TRPM3: variants seen among roughly 807,000 people sequenced by gnomAD.
TRPM3 encodes transient receptor potential cation channel subfamily M member 3.
A neutral mutation model predicts 181.2 loss-of-function variants in TRPM3; 77 were observed. That is an observed-to-expected ratio of 0.42 (90% CI 0.35 to 0.51). The LOEUF (loss-of-function observed/expected upper bound fraction) is 0.51, where lower values mean the gene tolerates loss of function less well. Ranked by LOEUF, TRPM3 falls within the 20% of genes least tolerant of loss-of-function variation. The pLI, the probability that TRPM3 is intolerant of heterozygous loss-of-function variation, is 0.01. For missense variants in TRPM3, 1,759 were observed against 2,196.7 expected (o/e 0.80, Z 3.98); for synonymous variants, 745 against 796.4 (o/e 0.94, Z 1.09).
chr9:70,629,344 T>C (rs570828987), intron 12 of TRPM3, among the ~76,000 whole-genome samples: 6 of 152,112 alleles, frequency 3.9e-5, no homozygotes, highest in African/African-American at 9.6e-5. Flanking sequence ...TGTTTTGTTT[T>C]TTTCTTTTGA....
rs1554854926 is a variant in TRPM3, at chr9:71,252,847, C to CTCTTTTTTTTTT, written c.183+193805_183+193806insAAAAAAAAAAGA. On this transcript the variant is annotated intron_variant, in intron 1 of 24. Transcript: ENST00000357533. Reference sequence around the variant, plus strand: ...ACACCTCGCCTGGCTAATTTTGTCTCTTTTTTTTTTTTTTTTTTTTTTAGA... The same window carrying CTCTTTTTTTTTT: ...ACACCTCGCCTGGCTAATTTTGTCTCTCTTTTTTTTTTTTTTTTTTTTTTTTTTTTTTTTAGA... 3.0e-3 allele frequency among the ~76,000 whole-genome samples: 251 copies of CTCTTTTTTTTTT among 84,756 alleles called. 16 individuals are homozygous for CTCTTTTTTTTTT. Among genetic ancestry groups the CTCTTTTTTTTTT allele is most frequent in the African/African-American group, 0.013 (239 of 19,114 alleles). The allele number at this position is 84,756 out of a possible 152,430, so 55.6% of individuals were successfully genotyped here. A position where few individuals can be genotyped will look rare whatever the true frequency, so the allele number is the denominator to read the frequency against.
chr9:70,929,017 T>C (rs1348198086), intron 1 of TRPM3, among the ~76,000 whole-genome samples: 1 of 152,168 alleles, frequency 6.6e-6, no homozygotes, highest in Non-Finnish European at 1.5e-5. Context: ...CTCCATGGCT[T>C]TCTCCATTAT....
At chr9:70,872,012 A>G (rs1205026361) in intron 1 of TRPM3, among the ~76,000 whole-genome samples, 1 of 152,050 alleles carries the variant, frequency 6.6e-6, no homozygotes, top group Non-Finnish European at 1.5e-5. Flanking sequence ...TCATTATTAT[A>G]AAGATGTCCA....
intron 1 of TRPM3, among the ~76,000 whole-genome samples, chr9:71,395,352 T>C (rs1262323900): frequency 1.3e-5 from 2 of 152,228 alleles, no homozygotes; most frequent in African/African-American, 4.8e-5. Context: ...TGTGGACTCC[T>C]ATATCACCTA....
intron 1 of TRPM3, among the ~76,000 whole-genome samples, chr9:71,300,866 A>G (rs1004839091): frequency 2.0e-5 from 3 of 152,142 alleles, no homozygotes; most frequent in Non-Finnish European, 2.9e-5. Context: ...AGGGATACGC[A>G]CTACTACTGA....
intron 8 of TRPM3, 130 bp from the exon 9 acceptor site, chr9:70,681,708 C>T: frequency 1.3e-6 from 1 of 770,426 alleles, no homozygotes; most frequent in East Asian, 2.5e-5. Context: ...AGGGTAAGCA[C>T]ACATAACAAG....
intron 1 of TRPM3, among the ~76,000 whole-genome samples, chr9:71,369,744 A>T (rs1226503769): frequency 6.6e-6 from 1 of 152,206 alleles, no homozygotes; most frequent in African/African-American, 2.4e-5. Context: ...TGTAAATATC[A>T]TCACTTATAA....
At chr9:71,237,044 C>CAAAA (rs33929941) in intron 1 of TRPM3, among the ~76,000 whole-genome samples, 26 of 92,794 alleles carry the variant, frequency 2.8e-4, no homozygotes, top group African/African-American at 4.4e-4. Context: ...AAGACTCCAT[C>CAAAA]AAAAAAAAAA....
rs1337392007 is a variant in TRPM3 at position 70,784,205 on chromosome 9, A to G, written c.1048T>C (p.Tyr350His). The change falls in exon 7 of 26, where the codon TAC becomes CAC. Residue 350 changes from tyrosine (Y) to histidine (H), a missense_variant. Physicochemically the swap from Tyr to His is moderately conservative, Grantham distance 83. Around this residue, in one of 8 missense-constraint regions of TRPM3, gnomAD observed 737 missense variants for 957.4 expected, o/e 0.77. Transcript: ENST00000677713. Reference sequence around the variant, plus strand: ...GGCACGGGAGGGGTGTCTCGAAGGTACTCCAAAACAATCGAGATCACATTG... The same window carrying G: ...GGCACGGGAGGGGTGTCTCGAAGGTGCTCCAAAACAATCGAGATCACATTG... ...GPNVISIVLEYLRDTPPVPVV... is the reference protein window; with the variant it reads ...GPNVISIVLEHLRDTPPVPVV... The G allele has an allele frequency of 6.2e-7, 1 of 1,613,676 alleles. No individual in the cohort carries two copies. The highest frequency in any genetic ancestry group is 1.7e-5 in the Admixed American group (1 of 59,962).
rs533177716 is a variant in TRPM3, at chr9:71,001,100, G to C, written c.177+120078C>G. ...AGATTGGTGTAGCACTTGTTCAAGTGGTAGTTCATGGGTGGGTGATTAAGC... is the reference window on the plus strand; with the variant it reads ...AGATTGGTGTAGCACTTGTTCAAGTCGTAGTTCATGGGTGGGTGATTAAGC... On this transcript the variant is annotated intron_variant, in intron 1 of 25. Transcript: ENST00000677713. Among the ~76,000 whole-genome samples, 4 of 152,320 alleles carry C rather than the reference G, an allele frequency of 2.6e-5. No homozygotes were observed. In the South Asian group the frequency reaches 6.2e-4, roughly 24 times the overall value.
At chr9:71,080,099 G>A (rs1427702726) in intron 1 of TRPM3, among the ~76,000 whole-genome samples, 1 of 151,502 alleles carries the variant, frequency 6.6e-6, no homozygotes, top group East Asian at 1.9e-4. Flanking sequence ...GAACCCGGGA[G>A]GCAGAGGTTG....
At chr9:70,626,929 T>C (rs554982703) in intron 12 of TRPM3, among the ~76,000 whole-genome samples, 1 of 152,330 alleles carries the variant, frequency 6.6e-6, no homozygotes, top group Admixed American at 6.5e-5. Context: ...TTGATTTATC[T>C]TTATATCCTG....
rs547576611 is a variant in TRPM3 at position 71,195,251 on chromosome 9, A to G, written c.183+251402T>C. 4.6e-5 allele frequency among the ~76,000 whole-genome samples: 7 copies of G among 152,158 alleles called. No homozygotes were observed. In the East Asian group the frequency reaches 1.4e-3, roughly 29 times the overall value. ...ACAGAATGGGAGAACATTTTTGCAA[A>G]TTATGCATCTGACAAAGGTCTAATA... On this transcript the variant is annotated intron_variant, in intron 1 of 24. Transcript: ENST00000357533.
Position 70,917,549 on chromosome 9 carries a change from G to A in TRPM3, c.178-53038C>T, listed in dbSNP as rs150689633. On this transcript the variant is annotated intron_variant, in intron 1 of 25. Transcript: ENST00000677713. ...CACGCAGCTTTGTTTTCTTCTTTAC[G>A]CAAACAGTGTTAAGTTGTTATATCA... is the stretch of plus-strand genomic sequence containing the variant. The A allele has an allele frequency of 7.4e-4, 453 of 609,928 alleles. 5 individuals are homozygous for A. In the African/African-American group the frequency reaches 0.011, roughly 14 times the overall value. 37.8% of individuals were successfully genotyped at this position (609,928 alleles called of 1,614,324 possible). A position where few individuals can be genotyped will look rare whatever the true frequency, so the allele number is the denominator to read the frequency against.
intron 1 of TRPM3, among the ~76,000 whole-genome samples, chr9:70,977,078 T>A (rs2097310701): frequency 6.6e-6 from 1 of 152,214 alleles, no homozygotes; most frequent in Non-Finnish European, 1.5e-5. Context: ...GACTATAAAC[T>A]ATGTTTTTGC....
intron 1 of TRPM3, among the ~76,000 whole-genome samples, chr9:71,333,036 T>C (rs1313298470): frequency 2.0e-5 from 3 of 151,880 alleles, no homozygotes; most frequent in Non-Finnish European, 4.4e-5. Context: ...ATACTTGGAC[T>C]CCACGTGGTT....
intron 1 of TRPM3, chr9:70,865,229 A>C (rs2132455061): frequency 6.6e-6 from 1 of 152,164 alleles, no homozygotes; most frequent in South Asian, 2.1e-4. Flanking sequence ...TCCACCCAGA[A>C]GTCCTGCCAC....
chr9:70,887,240 C>T (rs1447558890), intron 1 of TRPM3, among the ~76,000 whole-genome samples: 1 of 152,134 alleles, frequency 6.6e-6, no homozygotes, highest in Admixed American at 6.5e-5. Context: ...TTATTAAGCT[C>T]AAATTGTGTC....
intron 9 of TRPM3, among the ~76,000 whole-genome samples, chr9:70,671,830 T>G (rs1563931188): frequency 1.3e-5 from 2 of 152,176 alleles, no homozygotes; most frequent in South Asian, 2.1e-4. Context: ...AGTGGCATGA[T>G]CTCAGCTCAT....
Sources: allele counts gnomAD v4.1 joint callset (sites outside exome capture counted in the v4.1 genomes callset), GRCh38; gene constraint gnomAD v4.1.1; regional missense constraint gnomAD v4.1.1; transcripts MANE v1.5; gene names NCBI Gene and HGNC (gene_info 2026-07-23, HGNC 2026-07-21).